MLST8: variants seen among roughly 807,000 people sequenced by gnomAD.
The protein encoded by MLST8 is MTOR associated protein MLST8, also known as target of rapamycin complex subunit LST8.
A neutral mutation model predicts 41.3 loss-of-function variants in MLST8; 20 were observed. The ratio of observed to expected loss-of-function variants is 0.48; its 90% confidence interval spans 0.34 to 0.70. The LOEUF is 0.70. Ranked by LOEUF, MLST8 falls within the 30% of genes least tolerant of loss-of-function variation. MLST8 has a pLI of 0.01. For synonymous variants in MLST8, 243 were observed against 183.0 expected (o/e 1.33, Z -2.65); for missense variants, 422 against 454.3 (o/e 0.93, Z 0.65).
rs1467301426 is a variant in MLST8 at position 2,208,735 on chromosome 16, G to T, written c.863-24G>T. The stretch of plus-strand genomic sequence containing the variant: ...TGCTTGGCCTGCACCTGCGCTCTTA[G>T]CCCTGCACAATCTCCCCCTCCAGCT... On this transcript the variant is annotated intron_variant, in intron 8 of 8. Transcript: ENST00000569417. 1.4e-5 allele frequency: 23 copies of T among 1,613,692 alleles called. No individual in the cohort carries two copies. The East Asian group carries it at 4.5e-4, about 31-fold the overall frequency.
rs1401538980 is a variant in MLST8 at position 2,208,498 on chromosome 16, G to T, written c.747G>T (p.Thr249=). 1 of 1,613,218 alleles carries T rather than the reference G, an allele frequency of 6.2e-7. No homozygotes were observed. The highest frequency in any genetic ancestry group is 1.3e-5 in the African/African-American group (1 of 74,910). Residue 249 remains threonine (T), a synonymous_variant, in exon 8 of 9, where the codon ACG becomes ACT. Coordinates refer to ENST00000569417, the MANE Select transcript of MLST8 (RefSeq NM_022372.6). ...SADQTCKIWR[T]SNFSLMTELS... ...ATCAGACGTGCAAGATCTGGAGGAC[G>T]TCCAACTTCTCCCTGATGACGGAGC...
At chr16:2,207,691 A>G in intron 6 of MLST8, 1 of 351,068 alleles carries the variant, frequency 2.8e-6, no homozygotes, top group Non-Finnish European at 5.3e-6. Context: ...GGCCCCTGAC[A>G]CGTTCTCTCT....
intron 2 of MLST8, 44 bp downstream of exon 2, chr16:2,206,258 C>T (rs755658276): frequency 1.2e-6 from 2 of 1,601,280 alleles, no homozygotes; most frequent in East Asian, 4.5e-5. Context: ...GGGGGGATGC[C>T]TCGTGTGGGG....
At position 2,208,258 on chromosome 16, in the gene MLST8, A is replaced by T; in HGVS notation, c.622A>T (p.Thr208Ser). 6.2e-7 allele frequency: 1 copy of T among 1,613,522 alleles called. No individual in the cohort carries two copies. Among genetic ancestry groups the T allele is most frequent in the South Asian group, 1.1e-5 (1 of 91,066 alleles). ...NLTGGIGDEV[T>S]QLIPKTKIPA... ...GACGGGGGGCATTGGTGACGAGGTG[A>T]CCCAGCTCATCCCCAAGACTAAGAT... Residue 208 changes from threonine (T) to serine (S), a missense_variant, in exon 7 of 9, where the codon ACC becomes TCC. Thr to Ser is a moderately conservative substitution (Grantham distance 58). Transcript: ENST00000569417.
At chr16:2,206,872 A>T in intron 4 of MLST8, 163 bp from the exon 5 acceptor site, 1 of 1,102,414 alleles carries the variant, frequency 9.1e-7, no homozygotes. Flanking sequence ...TCCACCAGCC[A>T]CTGGCTTAGG....
At chr16:2,205,775 CGT>C (rs2141354057) in intron 1 of MLST8, 2 of 1,050,284 alleles carry the variant, frequency 1.9e-6, no homozygotes, top group South Asian at 7.9e-5. Flanking sequence ...GGCGCCCGCG[CGT>C]GACTCCCCCC....
Position 2,206,396 on chromosome 16 carries a change from G to A in MLST8, c.168G>A (p.Met56Ile). ...TGGAGGTCACACCGGACCGCAGCAT[G>A]ATTGCTGCTGCAGGTATCTGTGATC... ...NALEVTPDRS[M>I]IAAAGYQHIR... Residue 56 changes from methionine to isoleucine, a missense_variant, in exon 3 of 9, where the codon ATG becomes ATA. Coordinates refer to ENST00000569417, the MANE Select transcript of MLST8 (RefSeq NM_022372.6). 6.2e-7 allele frequency: 1 copy of A among 1,614,172 alleles called. No individual in the cohort carries two copies. The highest frequency in any genetic ancestry group is 8.5e-7 in the Non-Finnish European group (1 of 1,180,018).
chr16:2,206,973 G>A, intron 4 of MLST8, 62 bp from the exon 5 acceptor site: 3 of 1,594,894 alleles, frequency 1.9e-6, no homozygotes, highest in Non-Finnish European at 2.6e-6. Context: ...CCAGGCCGAG[G>A]CCATCTGGGT....
At position 2,206,226 on chromosome 16, in the gene MLST8, C is replaced by G; in HGVS notation, c.129+12C>G. On this transcript the variant is annotated intron_variant, in intron 2 of 8. Coordinates refer to ENST00000569417, the MANE Select transcript of MLST8 (RefSeq NM_022372.6). ...AGCACCAGGACTCCGTATCCTCCAC[C>G]CGGGGCGGGCAGGGCGGCGCTGGGG... 6.2e-7 allele frequency: 1 copy of G among 1,604,496 alleles called. No homozygotes were observed. Among genetic ancestry groups the G allele is most frequent in the Non-Finnish European group, 8.5e-7 (1 of 1,175,310 alleles).
chr16:2,208,709 C>G, intron 8 of MLST8, 50 bp from the exon 9 acceptor site: 1 of 1,613,448 alleles, frequency 6.2e-7, no homozygotes, highest in Non-Finnish European at 8.5e-7. Context: ...CTGGGGCCGC[C>G]TGCTTGGCCT....
At position 2,207,039 on chromosome 16, in the gene MLST8, C is replaced by T. The variant is rs760546991; in HGVS notation, c.349C>T (p.Arg117Trp). 11 of 1,613,178 alleles carry T rather than the reference C, an allele frequency of 6.8e-6. No homozygotes were observed. Among genetic ancestry groups the T allele is most frequent in the East Asian group, 2.2e-5 (1 of 44,886 alleles). Residue 117 changes from arginine (R) to tryptophan (W), a missense_variant, in exon 5 of 9, where the codon CGG becomes TGG. Coordinates refer to ENST00000569417, the MANE Select transcript of MLST8 (RefSeq NM_022372.6). ...GTGCCCCGGCCCGGCCCGCAGGTCC[C>T]GGAACCTGCAGTGCCAGCGGATCTT... ...CTARIWDLRS[R>W]NLQCQRIFQV...
In MLST8 at chr16:2,208,985, T is replaced by C; in HGVS notation, c.*108T>C. The C allele has an allele frequency of 4.0e-6, 5 of 1,250,210 alleles. No homozygotes were observed. In the Admixed American group the frequency reaches 8.9e-5, roughly 22 times the overall value. 77.4% of individuals were successfully genotyped at this position (1,250,210 alleles called of 1,614,324 possible). A position where few individuals can be genotyped will look rare whatever the true frequency, so the allele number is the denominator to read the frequency against. ...CCTGCCGGCCTGCGCCAGCTGGACC[T>C]GATGGCCCCCTGTGGCGCCTTGACC... On this transcript the variant is annotated 3_prime_UTR_variant, in exon 9 of 9. Transcript: ENST00000569417.
chr16:2,205,738 A>C, intron 1 of MLST8: 4 of 1,012,010 alleles, frequency 4.0e-6, no homozygotes, highest in Non-Finnish European at 4.7e-6. Flanking sequence ...CGCCTTGCGC[A>C]CGCGCAGCCC....
In MLST8 at chr16:2,206,140, G is replaced by C. The variant is rs751155813; in HGVS notation, c.55G>C (p.Gly19Arg). ...GSDPVILATA[G>R]YDHTVRFWQA... ...TGACCCGGTCATCCTGGCCACTGCA[G>C]GCTACGACCACACCGTGCGCTTCTG... The change falls in exon 2 of 9, where the codon GGC (glycine) becomes CGC (arginine). Residue 19 changes from glycine to arginine, a missense_variant. Coordinates refer to ENST00000569417, the MANE Select transcript of MLST8 (RefSeq NM_022372.6). 1.2e-6 allele frequency: 2 copies of C among 1,612,028 alleles called. No homozygotes were observed. The highest frequency in any genetic ancestry group is 1.7e-6 in the Non-Finnish European group (2 of 1,179,416).
In MLST8 at chr16:2,206,607, C is replaced by A; in HGVS notation, c.292C>A (p.Arg98Ser). 6.2e-7 allele frequency: 1 copy of A among 1,613,816 alleles called. No individual in the cohort carries two copies. The highest frequency in any genetic ancestry group is 8.5e-7 in the Non-Finnish European group (1 of 1,179,970). Reference protein sequence around the residue: ...IASVGFHEDGRWMYTGGEDCT... With the variant: ...IASVGFHEDGSWMYTGGEDCT... Reference sequence around the variant, plus strand: ...GTCTGTGGGCTTCCACGAAGACGGCCGCTGGATGTACACGGGCGGCGAGGA... The same window carrying A: ...GTCTGTGGGCTTCCACGAAGACGGCAGCTGGATGTACACGGGCGGCGAGGA... The change falls in exon 4 of 9, where the codon CGC becomes AGC. Residue 98 changes from arginine to serine, a missense_variant. By Grantham distance (110) the Arg-to-Ser change is moderately radical. Transcript: ENST00000569417.
intron 4 of MLST8, 66 bp from the exon 5 acceptor site, chr16:2,206,969 C>T (rs745396178): frequency 2.2e-4 from 353 of 1,589,222 alleles, no homozygotes; most frequent in Non-Finnish European, 2.7e-4. Flanking sequence ...ATGGCCAGGC[C>T]GAGGCCATCT....
In MLST8 at chr16:2,207,059, G is replaced by C; in HGVS notation, c.369G>C (p.Arg123=). Residue 123 remains arginine (R), a synonymous_variant, in exon 5 of 9, where the codon CGG becomes CGC. Coordinates refer to ENST00000569417, the MANE Select transcript of MLST8 (RefSeq NM_022372.6). The part of the protein sequence containing the change: ...DLRSRNLQCQ[R]IFQVNAPINC... ...GGTCCCGGAACCTGCAGTGCCAGCG[G>C]ATCTTCCAGGTGAACGCACCCATTA... The C allele has an allele frequency of 1.2e-6, 2 of 1,613,638 alleles. No homozygotes were observed. The highest frequency in any genetic ancestry group is 1.7e-4 in the Middle Eastern group (1 of 6,054).
At position 2,206,561 on chromosome 16, in the gene MLST8, C is replaced by T. The variant is rs770746713; in HGVS notation, c.246C>T (p.Asp82=). Residue 82 remains aspartate, a synonymous_variant, in exon 4 of 9, where the codon GAC becomes GAT. Transcript: ENST00000569417. Reference sequence around the variant, plus strand: ...ACCCTAACCCCATCATCAGCTACGACGGCGTCAACAAGAACATCGCGTCTG... The same window carrying T: ...ACCCTAACCCCATCATCAGCTACGATGGCGTCAACAAGAACATCGCGTCTG... ...SNNPNPIISY[D]GVNKNIASVG... 4 of 1,614,062 alleles carry T rather than the reference C, an allele frequency of 2.5e-6. No individual in the cohort carries two copies. The highest frequency in any genetic ancestry group is 2.2e-5 in the East Asian group (1 of 44,876).
At position 2,208,891 on chromosome 16, in the gene MLST8, G is replaced by A. The variant is rs760883915; in HGVS notation, c.*14G>A. 32 of 1,611,882 alleles carry A rather than the reference G, an allele frequency of 2.0e-5. No homozygotes were observed. The highest frequency in any genetic ancestry group is 2.5e-5 in the Non-Finnish European group (29 of 1,179,784). On this transcript the variant is annotated 3_prime_UTR_variant, in exon 9 of 9. Coordinates refer to ENST00000569417, the MANE Select transcript of MLST8 (RefSeq NM_022372.6). ...GTGCTGGGCTAGCCTGTGACCCCTC[G>A]GGACTGCCTGGTGCAGGTGGTGGCA...
Sources: allele counts gnomAD v4.1 joint callset, GRCh38; gene constraint gnomAD v4.1.1; transcripts MANE v1.5; gene names NCBI Gene and HGNC (gene_info 2026-07-23, HGNC 2026-07-21).